The following TTC39B variants were observed in gnomAD, a reference collection of about 807,000 sequenced individuals.
The protein encoded by TTC39B is tetratricopeptide repeat domain 39B, also known as tetratricopeptide repeat protein 39B.
Under a neutral mutation model 96.6 loss-of-function variants are expected in TTC39B, and 92 were observed. That is an observed-to-expected ratio of 0.95 (90% CI 0.80 to 1.13). The LOEUF (loss-of-function observed/expected upper bound fraction) is 1.13, where lower values mean the gene tolerates loss of function less well. Ranked by LOEUF, TTC39B falls within the 50% of genes most tolerant of loss-of-function variation. The pLI is 0.00. For synonymous variants in TTC39B, 367 were observed against 299.4 expected (o/e 1.23, Z -2.33); for missense variants, 955 against 809.3 (o/e 1.18, Z -2.18).
intron 8 of TTC39B, among the ~76,000 whole-genome samples, chr9:15,195,917 A>T (rs1819140160): frequency 6.6e-6 from 1 of 152,198 alleles, no homozygotes; most frequent in Admixed American, 6.5e-5. Flanking sequence ...CTTGTTAGGG[A>T]CTAATGGAAC....
At chr9:15,183,956 T>C (rs1818384098) in intron 16 of TTC39B, among the ~76,000 whole-genome samples, 1 of 152,192 alleles carries the variant, frequency 6.6e-6, no homozygotes, top group African/African-American at 2.4e-5. Context: ...ACCTAGGTGC[T>C]AGGCGCAGGC....
intron 18 of TTC39B, among the ~76,000 whole-genome samples, chr9:15,177,194 A>G (rs1255998910): frequency 2.0e-5 from 3 of 152,194 alleles, no homozygotes; most frequent in African/African-American, 7.2e-5. Flanking sequence ...GAAGCCAGGC[A>G]TAGTAGTGCA....
At chr9:15,226,303 C>T (rs905239684) in intron 2 of TTC39B, among the ~76,000 whole-genome samples, 2 of 152,108 alleles carry the variant, frequency 1.3e-5, no homozygotes, top group South Asian at 2.1e-4. Flanking sequence ...ATATATCCGT[C>T]CAGGTTTTTT....
chr9:15,230,579 T>C (rs1821364820), intron 2 of TTC39B, among the ~76,000 whole-genome samples: 1 of 152,244 alleles, frequency 6.6e-6, no homozygotes. Context: ...TATTACCTAA[T>C]ATTATTCCAT....
intron 3 of TTC39B, among the ~76,000 whole-genome samples, chr9:15,215,043 C>T (rs1029371650): frequency 2.6e-4 from 40 of 152,084 alleles, no homozygotes; most frequent in South Asian, 2.1e-4. Context: ...TGCTTGAGGC[C>T]GGGAGCTCAA....
intron 1 of TTC39B, among the ~76,000 whole-genome samples, chr9:15,276,212 G>A (rs534454620): frequency 6.7e-4 from 102 of 152,326 alleles, no homozygotes; most frequent in Non-Finnish European, 1.1e-3. Flanking sequence ...TGGGTTAATT[G>A]CACCTGCCTG....
intron 6 of TTC39B, among the ~76,000 whole-genome samples, chr9:15,206,017 G>A (rs141033814): frequency 6.6e-6 from 1 of 152,290 alleles, no homozygotes; most frequent in Non-Finnish European, 1.5e-5. Context: ...AGTCCCTGCA[G>A]AGATCTGAGC....
At chr9:15,195,204 G>T (rs1352575314) in intron 8 of TTC39B, among the ~76,000 whole-genome samples, 2 of 152,162 alleles carry the variant, frequency 1.3e-5, no homozygotes, top group African/African-American at 4.8e-5. Flanking sequence ...AGCTGTAGTG[G>T]TCTGGATAGA....
intron 2 of TTC39B, among the ~76,000 whole-genome samples, chr9:15,243,300 C>A (rs569600874): frequency 3.2e-4 from 48 of 152,304 alleles, no homozygotes; most frequent in African/African-American, 1.1e-3. Flanking sequence ...GAAATTTGAA[C>A]AGATGATGTA....
chr9:15,192,208 T>C (rs1362906159), intron 9 of TTC39B, among the ~76,000 whole-genome samples: 1 of 152,220 alleles, frequency 6.6e-6, no homozygotes, highest in African/African-American at 2.4e-5. Context: ...GACTTCCATC[T>C]CCTCAGGAAT....
At chr9:15,203,241 G>A (rs1394668249) in intron 7 of TTC39B, among the ~76,000 whole-genome samples, 1 of 152,094 alleles carries the variant, frequency 6.6e-6, no homozygotes, top group East Asian at 1.9e-4. Context: ...TTGCAAAGCA[G>A]TTTCTTTAAA....
chr9:15,189,805 C>G lies in TTC39B; in HGVS notation c.1106-13G>C, dbSNP rs773826461. 1 of 1,580,644 alleles carries G rather than the reference C, an allele frequency of 6.3e-7. No individual in the cohort carries two copies. The highest frequency in any genetic ancestry group is 1.3e-5 in the African/African-American group (1 of 74,148). ...ACTTCTCCTGTACCTAGAAATTTAA[C>G]AGGAAAAGACTCAGTCTTCATAAGA... On this transcript the variant is annotated splice_polypyrimidine_tract_variant and intron_variant, in intron 11 of 19. Coordinates refer to ENST00000512701, the Ensembl canonical transcript of TTC39B.
chr9:15,214,772 T>A (rs1348991373), intron 3 of TTC39B, among the ~76,000 whole-genome samples: 2 of 152,192 alleles, frequency 1.3e-5, no homozygotes, highest in Non-Finnish European at 2.9e-5. Flanking sequence ...AATAAAATCC[T>A]TAACATGTTC....
intron 8 of TTC39B, among the ~76,000 whole-genome samples, chr9:15,194,864 T>A (rs1333907312): frequency 6.6e-6 from 1 of 152,188 alleles, no homozygotes; most frequent in African/African-American, 2.4e-5. Context: ...GATAGGCTGT[T>A]CCTCCATCTC....
At chr9:15,244,377 G>A (rs1822178816) in intron 2 of TTC39B, among the ~76,000 whole-genome samples, 1 of 152,246 alleles carries the variant, frequency 6.6e-6, no homozygotes, top group African/African-American at 2.4e-5. Flanking sequence ...GCCAGTCACT[G>A]GCGGGCAGTG....
chr9:15,305,521 T>C (rs1326239659), intron 1 of TTC39B, among the ~76,000 whole-genome samples: 1 of 152,166 alleles, frequency 6.6e-6, no homozygotes, highest in Non-Finnish European at 1.5e-5. Flanking sequence ...ATGAATGATA[T>C]GGCAAAAACT....
chr9:15,226,059 T>C (rs751232556), intron 2 of TTC39B, 47 bp from the exon 3 acceptor site: 30 of 1,573,154 alleles, frequency 1.9e-5, no homozygotes, highest in South Asian at 6.7e-5. Context: ...CTTTGTCCTG[T>C]GAGAAAAGTC....
chr9:15,205,268 G>C (rs1340752194), intron 6 of TTC39B, among the ~76,000 whole-genome samples: 1 of 152,176 alleles, frequency 6.6e-6, no homozygotes, highest in Non-Finnish European at 1.5e-5. Context: ...TAAAAGCTCA[G>C]AAAGAAGAAA....
intron 3 of TTC39B, 88 bp downstream of exon 3, chr9:15,225,829 T>G: frequency 1.6e-6 from 2 of 1,226,916 alleles, no homozygotes. Context: ...TCAAACGCAA[T>G]GCACTATGCA....
Sources: allele counts gnomAD v4.1 joint callset (sites outside exome capture counted in the v4.1 genomes callset), GRCh38; gene constraint gnomAD v4.1.1; transcripts MANE v1.5; gene names NCBI Gene and HGNC (gene_info 2026-07-23, HGNC 2026-07-21).